Variants in MAX observed in about 807,000 individuals in gnomAD.
MAX encodes protein max.
A neutral mutation model predicts 22.3 loss-of-function variants in MAX; 3 were observed. That is an observed-to-expected ratio of 0.13 (90% confidence interval 0.06 to 0.35). MAX has a LOEUF of 0.35. Among genes scored for constraint, MAX ranks in the 10% least tolerant of loss-of-function variants. The probability of loss-of-function intolerance (pLI) is 1.00; values close to 1 mark genes in which losing one functional copy is unlikely to be tolerated. For synonymous variants in MAX, 72 were observed against 77.7 expected, an observed-to-expected ratio of 0.93 and a Z score of 0.39; for missense variants, 119 against 209.4, an observed-to-expected ratio of 0.57 and a Z score of 2.66.
chr14:65,091,166 A>G (rs150146465), intron 3 of MAX, among the ~76,000 whole-genome samples: 2 of 152,272 alleles, frequency 1.3e-5, no homozygotes, highest in African/African-American at 4.8e-5. Flanking sequence ...AACCTTAATT[A>G]CCACAATCTA....
At position 65,047,819 on chromosome 14, in the gene MAX, C is replaced by A. The variant is rs545796130; in HGVS notation, c.172-41535G>T. Among the ~76,000 whole-genome samples the A allele has an allele frequency of 6.6e-6, 1 of 152,176 alleles. No homozygotes were observed. Among genetic ancestry groups the A allele is most frequent in the South Asian group, 2.1e-4 (1 of 4,826 alleles). ...CTGATATAGAAAGCTCTGCAAGATA[C>A]AACATGAAGTGTAAGGGGGCGGGGC... On this transcript the variant is annotated intron_variant, in intron 3 of 3. Transcript: ENST00000341653. This position sits in a 1 kb window ranked among gnomAD's most constrained non-coding sequence, Gnocchi z 5.2.
intron 3 of MAX, among the ~76,000 whole-genome samples, chr14:65,085,297 G>C (rs2139808001): frequency 6.6e-6 from 1 of 152,280 alleles, no homozygotes; most frequent in Admixed American, 6.5e-5. Context: ...CTGTTGGGCA[G>C]CATTTGTCAT....
At chr14:65,083,547 T>C (rs1473076552) in intron 3 of MAX, among the ~76,000 whole-genome samples, 1 of 152,284 alleles carries the variant, frequency 6.6e-6, no homozygotes, top group East Asian at 1.9e-4. Flanking sequence ...TAGTGCTAGA[T>C]TGTTAACATT....
At chr14:65,051,774 C>T (rs924741224) in intron 3 of MAX, among the ~76,000 whole-genome samples, 2 of 150,816 alleles carry the variant, frequency 1.3e-5, no homozygotes, top group Non-Finnish European at 3.0e-5. Flanking sequence ...ATACCATAAA[C>T]TTTTATAATT....
At chr14:65,071,315 TG>T (rs371229820), downstream of MAX, among the ~76,000 whole-genome samples, 69 of 152,272 alleles carry the variant, frequency 4.5e-4, no homozygotes, top group Middle Eastern at 3.4e-3. This position sits in a 1 kb window ranked among gnomAD's most constrained non-coding sequence, Gnocchi z 4.2. Context: ...CTAATTTTTT[TG>T]TATTTTTAGT....
rs1566602855 is a variant in MAX at position 65,079,615 on chromosome 14, C to T, written c.172-1579G>A. Among the ~76,000 whole-genome samples, 1 of 152,210 alleles carries T rather than the reference C, an allele frequency of 6.6e-6. No homozygotes were observed. The highest frequency in any genetic ancestry group is 1.5e-5 in the Non-Finnish European group (1 of 68,038). ...CTGAGCAGCCGGAAAGCTTCTTACT[C>T]AGGGTAGGGAGTGCTTGACAATTCT... On this transcript the variant is annotated intron_variant, in intron 3 of 4. Transcript: ENST00000358664. This position sits in a 1 kb window ranked among gnomAD's most constrained non-coding sequence, Gnocchi z 4.5.
chr14:65,095,096 G>C (rs1201465147), intron 2 of MAX, among the ~76,000 whole-genome samples: 2 of 152,218 alleles, frequency 1.3e-5, no homozygotes, highest in Non-Finnish European at 2.9e-5. Context: ...GAAAGGACTT[G>C]AAATTCTCCT....
downstream of MAX, among the ~76,000 whole-genome samples, chr14:65,074,322 A>G (rs965597913): frequency 2.6e-5 from 4 of 152,214 alleles, no homozygotes; most frequent in Non-Finnish European, 4.4e-5. Context: ...TTGCTTTCCC[A>G]GCATTTTTCT....
At position 65,027,915 on chromosome 14, in the gene MAX, G is replaced by A; in HGVS notation, c.172-21631C>T. 8.9e-7 allele frequency: 1 copy of A among 1,121,762 alleles called. No homozygotes were observed. The allele number at this position is 1,121,762 out of a possible 1,614,324, so 69.5% of individuals were successfully genotyped here. ...GAATGACACATGGGATGACATGTCA[G>A]TGACACGTCAGAATCATTCAGATGT... On this transcript the variant is annotated intron_variant, in intron 3 of 3. Coordinates refer to the MAX transcript ENST00000341653. The surrounding 1 kb of genome is among the most constrained non-coding windows in gnomAD (Gnocchi z 5.7).
intron 3 of MAX, among the ~76,000 whole-genome samples, chr14:65,064,741 T>C (rs1437316169): frequency 6.6e-6 from 1 of 152,262 alleles, no homozygotes; most frequent in Non-Finnish European, 1.5e-5. Context: ...ACGTAGTTTT[T>C]GGGAACGGGG....
At chr14:65,094,744 T>C (rs931401726) in intron 2 of MAX, among the ~76,000 whole-genome samples, 1 of 152,230 alleles carries the variant, frequency 6.6e-6, no homozygotes, top group African/African-American at 2.4e-5. Flanking sequence ...GAGAGCATGA[T>C]AAGAGCACTT....
rs2139979384 is a variant in MAX, at chr14:65,102,409, T to C, written c.-70A>G. The C allele has an allele frequency of 6.3e-7, 1 of 1,578,390 alleles. No individual in the cohort carries two copies. Among genetic ancestry groups the C allele is most frequent in the Non-Finnish European group, 8.6e-7 (1 of 1,164,122 alleles). On this transcript the variant is annotated 5_prime_UTR_variant, in exon 1 of 5. Coordinates refer to ENST00000358664, the MANE Select transcript of MAX (RefSeq NM_002382.5). Reference sequence around the variant, plus strand: ...GGAAGGGGTGAAGGGGAGGGGGAAGTCACCGACAACAACAAGCCGAGTCCC... The same window carrying C: ...GGAAGGGGTGAAGGGGAGGGGGAAGCCACCGACAACAACAAGCCGAGTCCC...
Position 65,077,899 on chromosome 14 carries a change from G to C in MAX, c.295+14C>G, listed in dbSNP as rs762605226. 18 of 1,614,214 alleles carry C rather than the reference G, an allele frequency of 1.1e-5. No individual in the cohort carries two copies. The highest frequency in any genetic ancestry group is 4.4e-5 in the South Asian group (4 of 91,092). On this transcript the variant is annotated intron_variant, in intron 4 of 4. Coordinates refer to ENST00000358664, the MANE Select transcript of MAX (RefSeq NM_002382.5). The surrounding 1 kb of genome is among the most constrained non-coding windows in gnomAD (Gnocchi z 6.3). Reference sequence around the variant, plus strand: ...CACAGCAGGGCCAGCTGCCCCACGAGCTCGGGTGCTCACCTTGCTGCTCCA... The same window carrying C: ...CACAGCAGGGCCAGCTGCCCCACGACCTCGGGTGCTCACCTTGCTGCTCCA...
In MAX at chr14:65,044,726, G is replaced by A. The variant is rs148215176; in HGVS notation, c.172-38442C>T. 3.1e-3 allele frequency: 1,350 copies of A among 439,386 alleles called. 19 individuals are homozygous for A. Among genetic ancestry groups the A allele is most frequent in the African/African-American group, 0.024 (1,170 of 48,096 alleles). 27.2% of individuals were successfully genotyped at this position (439,386 alleles called of 1,614,324 possible). A position where few individuals can be genotyped will look rare whatever the true frequency, so the allele number is the denominator to read the frequency against. On this transcript the variant is annotated intron_variant, in intron 3 of 3. Transcript: ENST00000341653. This position sits in a 1 kb window ranked among gnomAD's most constrained non-coding sequence, Gnocchi z 5.5. The stretch of plus-strand genomic sequence containing the variant: ...GGGAGGAAGTGGGCGCTGCTTCTGC[G>A]TTATCTGGAAGGAGCAGCCCACTCC...
At chr14:65,071,745 G>A (rs1397490165), downstream of MAX, among the ~76,000 whole-genome samples, 1 of 152,172 alleles carries the variant, frequency 6.6e-6, no homozygotes, top group East Asian at 1.9e-4. This position sits in a 1 kb window ranked among gnomAD's most constrained non-coding sequence, Gnocchi z 4.2. Context: ...AGCTCCCTGG[G>A]CTCCTTCCCA....
Position 65,012,407 on chromosome 14 carries a change from G to T in MAX, c.172-6123C>A. On this transcript the variant is annotated intron_variant, in intron 3 of 3. Transcript: ENST00000341653. The surrounding 1 kb of genome is among the most constrained non-coding windows in gnomAD (Gnocchi z 5.0). ...CCTATGAGGTAAACACATTACCCAG[G>T]AACTCTTGCTGTCAAATTATCCACC... is the stretch of plus-strand genomic sequence containing the variant. 6.2e-7 allele frequency: 1 copy of T among 1,613,914 alleles called. No homozygotes were observed. Among genetic ancestry groups the T allele is most frequent in the Non-Finnish European group, 8.5e-7 (1 of 1,179,858 alleles).
In MAX at chr14:65,077,717, C is replaced by T; in HGVS notation, c.295+196G>A. The T allele has an allele frequency of 6.3e-7, 1 of 1,586,194 alleles. No homozygotes were observed. The highest frequency in any genetic ancestry group is 8.6e-7 in the Non-Finnish European group (1 of 1,167,884). The stretch of plus-strand genomic sequence containing the variant: ...CAGATGTCCAACTTCCTAGCTTCCA[C>T]TGTCTCCTCACTGGCGCCTCAGGTC... On this transcript the variant is annotated intron_variant, in intron 4 of 4. Coordinates refer to ENST00000358664, the MANE Select transcript of MAX (RefSeq NM_002382.5). The surrounding 1 kb of genome is among the most constrained non-coding windows in gnomAD (Gnocchi z 6.3).
chr14:65,083,642 G>T, intron 3 of MAX: 3 of 809,802 alleles, frequency 3.7e-6, no homozygotes, highest in Non-Finnish European at 4.6e-6. Flanking sequence ...TTCCTCTTCA[G>T]TGCCCAAAAC....
downstream of MAX, among the ~76,000 whole-genome samples, chr14:65,074,656 C>T (rs2063019756): frequency 6.6e-6 from 1 of 152,240 alleles, no homozygotes; most frequent in Non-Finnish European, 1.5e-5. Flanking sequence ...CTGAGTAGAG[C>T]TAACTCGGTG....
Sources: allele counts gnomAD v4.1 joint callset (sites outside exome capture counted in the v4.1 genomes callset), GRCh38; gene constraint gnomAD v4.1.1; non-coding constraint Gnocchi (gnomAD v3.1); transcripts MANE v1.5; gene names NCBI Gene and HGNC (gene_info 2026-07-23, HGNC 2026-07-21).